The following PTPRD variants were observed in gnomAD, a reference collection of about 807,000 sequenced individuals.
PTPRD encodes protein tyrosine phosphatase receptor type D, also known as receptor-type tyrosine-protein phosphatase delta.
A neutral mutation model predicts 214.5 loss-of-function variants in PTPRD; 34 were observed. The observed-to-expected ratio is 0.16, with a 90% CI of 0.12 to 0.21. The LOEUF (loss-of-function observed/expected upper bound fraction) is 0.21. Ranked by LOEUF, PTPRD falls within the 10% of genes least tolerant of loss-of-function variation. The pLI is 1.00. For synonymous variants in PTPRD, 1,128 were observed against 845.7 expected (o/e 1.33, Z -5.79); for missense variants, 2,545 against 2,398.7 (o/e 1.06, Z -1.27).
chr9:10,201,271 AAGAT>A (rs139101329), intron 3 of PTPRD, among the ~76,000 whole-genome samples: 3 of 152,182 alleles, frequency 2.0e-5, no homozygotes, highest in African/African-American at 7.2e-5. Context: ...AAAATCTGAT[AAGAT>A]AAAGTCACTT....
At position 9,764,498 on chromosome 9, in the gene PTPRD, A is replaced by T. The variant is rs1022051822; in HGVS notation, c.-326+2312T>A. 2.0e-5 allele frequency among the ~76,000 whole-genome samples: 3 copies of T among 152,180 alleles called. No individual in the cohort carries two copies. In the East Asian group the frequency reaches 5.8e-4, roughly 29 times the overall value. ...ATTATCACATGTGCTTACATAACTC[A>T]AAACTTACAAGTGTATATTAGAATC... On this transcript the variant is annotated intron_variant, in intron 6 of 45. Coordinates refer to ENST00000381196, the MANE Select transcript of PTPRD (RefSeq NM_002839.4).
chr9:9,379,495 C>T (rs1337579897), intron 9 of PTPRD, among the ~76,000 whole-genome samples: 1 of 151,790 alleles, frequency 6.6e-6, no homozygotes, highest in African/African-American at 2.4e-5. Context: ...TGTTCTTCTC[C>T]TTCAACATTC....
chr9:9,312,315 G>A (rs911906468), intron 9 of PTPRD, among the ~76,000 whole-genome samples: 1 of 152,090 alleles, frequency 6.6e-6, no homozygotes, highest in East Asian at 1.9e-4. Context: ...TAAATTCAAC[G>A]CATAAGATTA....
At chr9:9,247,443 A>G (rs1249310407) in intron 9 of PTPRD, among the ~76,000 whole-genome samples, 2 of 152,100 alleles carry the variant, frequency 1.3e-5, no homozygotes, top group East Asian at 3.9e-4. Flanking sequence ...CGTTGATTAT[A>G]TACATTTGTT....
At chr9:9,484,341 A>G (rs934558379) in intron 8 of PTPRD, among the ~76,000 whole-genome samples, 3 of 152,124 alleles carry the variant, frequency 2.0e-5, no homozygotes, top group African/African-American at 4.8e-5. Flanking sequence ...ATGAACTCCA[A>G]GAATAGACAT....
intron 9 of PTPRD, among the ~76,000 whole-genome samples, chr9:9,244,116 A>G (rs1283904903): frequency 6.6e-6 from 1 of 152,158 alleles, no homozygotes; most frequent in African/African-American, 2.4e-5. Flanking sequence ...ACTACAAACC[A>G]CTGCTCTACA....
At chr9:10,017,429 T>C (rs907814112) in intron 4 of PTPRD, among the ~76,000 whole-genome samples, 6 of 152,152 alleles carry the variant, frequency 3.9e-5, no homozygotes, top group Admixed American at 3.3e-4. Flanking sequence ...AGTTCTTATT[T>C]TTATTGGTAT....
intron 26 of PTPRD, among the ~76,000 whole-genome samples, chr9:8,493,213 G>A (rs374919175): frequency 6.6e-6 from 1 of 152,148 alleles, no homozygotes. Context: ...TCAAAGACAT[G>A]AAATCTGGAG....
intron 9 of PTPRD, among the ~76,000 whole-genome samples, chr9:9,334,570 A>G (rs541322402): frequency 1.1e-4 from 16 of 152,076 alleles, no homozygotes; most frequent in Non-Finnish European, 2.4e-4. Context: ...TGGGTCTGCC[A>G]CTTTCTCTTG....
chr9:10,287,258 A>G (rs10809060), intron 3 of PTPRD, among the ~76,000 whole-genome samples: 1 of 152,012 alleles, frequency 6.6e-6, no homozygotes. Flanking sequence ...CTTTTAGATA[A>G]AGATTTCTCA....
At chr9:10,471,435 A>C (rs2099030565) in intron 2 of PTPRD, among the ~76,000 whole-genome samples, 1 of 152,156 alleles carries the variant, frequency 6.6e-6, no homozygotes, top group Non-Finnish European at 1.5e-5. Flanking sequence ...TTCATCAGGT[A>C]GTATGACTCT....
chr9:9,943,553 T>G (rs150931999), intron 4 of PTPRD, among the ~76,000 whole-genome samples: 1 of 152,252 alleles, frequency 6.6e-6, no homozygotes, highest in African/African-American at 2.4e-5. Flanking sequence ...AGACAATGAA[T>G]AGCGAACATG....
At chr9:8,789,602 T>A (rs1210729468) in intron 11 of PTPRD, among the ~76,000 whole-genome samples, 1 of 152,178 alleles carries the variant, frequency 6.6e-6, no homozygotes, top group Non-Finnish European at 1.5e-5. Context: ...TAAATGCCAC[T>A]GGGCATTTAA....
At chr9:8,337,699 CT>C (rs1848368342) in intron 43 of PTPRD, among the ~76,000 whole-genome samples, 1 of 151,660 alleles carries the variant, frequency 6.6e-6, no homozygotes, top group African/African-American at 2.4e-5. Flanking sequence ...TTTCAATCTT[CT>C]TTTGTTTATT....
intron 10 of PTPRD, among the ~76,000 whole-genome samples, chr9:9,083,791 CAT>C (rs2099762668): frequency 6.6e-6 from 1 of 152,048 alleles, no homozygotes; most frequent in Non-Finnish European, 1.5e-5. Flanking sequence ...AGCCAAAAAA[CAT>C]ATGAAAAAAA....
intron 7 of PTPRD, among the ~76,000 whole-genome samples, chr9:9,632,883 T>C (rs574023887): frequency 6.6e-6 from 1 of 152,286 alleles, no homozygotes; most frequent in East Asian, 1.9e-4. Context: ...GGAAGAATTG[T>C]TAGGTTTGAA....
intron 5 of PTPRD, among the ~76,000 whole-genome samples, chr9:9,830,701 T>C (rs867571690): frequency 8.6e-5 from 13 of 151,814 alleles, no homozygotes; most frequent in Admixed American, 8.6e-4. Flanking sequence ...CAGGACAATA[T>C]AATATTGAAA....
chr9:10,466,241 A>G (rs930818420), intron 2 of PTPRD, among the ~76,000 whole-genome samples: 2 of 152,164 alleles, frequency 1.3e-5, no homozygotes, highest in African/African-American at 4.8e-5. Context: ...ATCTAGCCTG[A>G]AATTATACTA....
intron 2 of PTPRD, among the ~76,000 whole-genome samples, chr9:10,543,205 T>G (rs1292273040): frequency 6.6e-6 from 1 of 152,218 alleles, no homozygotes; most frequent in Admixed American, 6.5e-5. Flanking sequence ...CATTTTTAAC[T>G]AACATGATAA....
Sources: gnomAD v4.1 joint callset for allele counts (sites outside exome capture counted in the v4.1 genomes callset) on GRCh38, gnomAD v4.1.1 for gene constraint, MANE v1.5 for transcripts, NCBI Gene and HGNC (gene_info 2026-07-23, HGNC 2026-07-21) for gene names.